The following TACC1 variants were observed in gnomAD, a reference collection of about 807,000 sequenced individuals.
TACC1 encodes the protein transforming acidic coiled-coil containing protein 1.
In TACC1, 48 loss-of-function variants were observed where a neutral mutation model predicts 84.4. The ratio of observed to expected loss-of-function variants is 0.57; its 90% confidence interval spans 0.45 to 0.72. TACC1 has a LOEUF of 0.72. Among genes scored for constraint, TACC1 ranks in the 30% least tolerant of loss-of-function variants. The pLI is 0.00. For synonymous variants in TACC1, 372 were observed against 376.3 expected (o/e 0.99, Z 0.13); for missense variants, 920 against 973.0 (o/e 0.95, Z 0.72).
At position 38,787,760 on chromosome 8, in the gene TACC1, C is replaced by G; in HGVS notation, c.161+17C>G. 2 of 1,507,620 alleles carry G rather than the reference C, an allele frequency of 1.3e-6. No homozygotes were observed. The highest frequency in any genetic ancestry group is 8.8e-7 in the Non-Finnish European group (1 of 1,136,670). 93.4% of individuals were successfully genotyped at this position (1,507,620 alleles called of 1,614,324 possible). A position where few individuals can be genotyped will look rare whatever the true frequency, so the allele number is the denominator to read the frequency against. ...GAGTTTCAGGCAAGTACACGGCGTCCCCGCTGAGATGCAGACGCGCTTGCC... is the reference window on the plus strand; with the variant it reads ...GAGTTTCAGGCAAGTACACGGCGTCGCCGCTGAGATGCAGACGCGCTTGCC... On this transcript the variant is annotated intron_variant, in intron 1 of 12. Coordinates refer to ENST00000317827, the MANE Select transcript of TACC1 (RefSeq NM_006283.3).
rs371936366 is a variant in TACC1 at position 38,816,271 on chromosome 8, A to G, written c.278-3251A>G. Reference sequence around the variant, plus strand: ...AGTTTAAATCTTTTTGGTAGAAAATACAAAACTAAGATATTTAGAAGTATC... The same window carrying G: ...AGTTTAAATCTTTTTGGTAGAAAATGCAAAACTAAGATATTTAGAAGTATC... On this transcript the variant is annotated intron_variant, in intron 2 of 12. Transcript: ENST00000317827. Among the ~76,000 whole-genome samples the G allele has an allele frequency of 9.6e-4, 146 of 152,328 alleles. No individual in the cohort carries two copies. The Middle Eastern group carries it at 0.01, about 11-fold the overall frequency.
intron 3 of TACC1, among the ~76,000 whole-genome samples, chr8:38,821,426 T>C (rs1320025633): frequency 6.6e-6 from 1 of 152,208 alleles, no homozygotes; most frequent in Non-Finnish European, 1.5e-5. Context: ...AAGAAGACTT[T>C]TTACATAAAC....
At chr8:38,757,323 G>C (rs1587323610) in intron 3 of TACC1, 1 of 1,267,518 alleles carries the variant, frequency 7.9e-7, no homozygotes, top group African/African-American at 1.6e-5. Context: ...CCGGCCCCAA[G>C]TTCTGCGCCA....
chr8:38,815,134 C>A (rs548521019), intron 2 of TACC1, among the ~76,000 whole-genome samples: 2 of 152,260 alleles, frequency 1.3e-5, no homozygotes, highest in African/African-American at 4.8e-5. Flanking sequence ...TCCTGCTGGG[C>A]GCACCAGGAT....
rs759126531 is a variant in TACC1 at position 38,820,446 on chromosome 8, C to T, written c.1202C>T (p.Ser401Phe). Residue 401 changes from serine to phenylalanine, a missense_variant, in exon 3 of 13, where the codon TCT becomes TTT. Transcript: ENST00000317827. ...SPSFNPFGSH[S>F]VLQNSPPLSS... ...AGCTTCAACCCCTTTGGGAGCCACTCTGTTCTGCAGAACTCCCCACCCCTC... is the reference window on the plus strand; with the variant it reads ...AGCTTCAACCCCTTTGGGAGCCACTTTGTTCTGCAGAACTCCCCACCCCTC... 1 of 1,614,218 alleles carries T rather than the reference C, an allele frequency of 6.2e-7. No homozygotes were observed. The highest frequency in any genetic ancestry group is 1.3e-5 in the African/African-American group (1 of 75,078).
intron 3 of TACC1, among the ~76,000 whole-genome samples, chr8:38,774,493 A>AT (rs1814391343): frequency 6.6e-6 from 1 of 152,154 alleles, no homozygotes; most frequent in Non-Finnish European, 1.5e-5. Flanking sequence ...TTAAAAATAC[A>AT]TTTTTTATTA....
intron 2 of TACC1, among the ~76,000 whole-genome samples, chr8:38,812,741 C>T (rs930716632): frequency 6.6e-6 from 1 of 152,220 alleles, no homozygotes. Flanking sequence ...AGCATGGTGC[C>T]TTTCTATTTC....
intron 1 of TACC1, among the ~76,000 whole-genome samples, chr8:38,736,010 C>T (rs1003062886): frequency 6.6e-5 from 10 of 152,140 alleles, no homozygotes; most frequent in Middle Eastern, 3.2e-3. Flanking sequence ...GTCTACCGGC[C>T]GGTACTCCCT....
At chr8:38,788,052 G>A in intron 1 of TACC1, 1 of 407,316 alleles carries the variant, frequency 2.5e-6, no homozygotes, top group Non-Finnish European at 4.4e-6. Context: ...CTCCACACTG[G>A]AGCAACGTCA....
chr8:38,767,229 A>G (rs1812418734), intron 3 of TACC1, among the ~76,000 whole-genome samples: 1 of 152,226 alleles, frequency 6.6e-6, no homozygotes, highest in Non-Finnish European at 1.5e-5. Flanking sequence ...AGGTAGGAAG[A>G]TGACTGACGT....
intron 2 of TACC1, among the ~76,000 whole-genome samples, chr8:38,807,209 C>T (rs916694564): frequency 1.3e-5 from 2 of 152,178 alleles, no homozygotes; most frequent in Non-Finnish European, 2.9e-5. Flanking sequence ...CTTCAGCCCC[C>T]TTCCCTTCCC....
intron 6 of TACC1, 151 bp downstream of exon 6, chr8:38,831,328 C>A: frequency 1.3e-6 from 1 of 779,062 alleles, no homozygotes; most frequent in South Asian, 1.7e-5. Flanking sequence ...AACACATAGT[C>A]TCTGCATTGT....
intron 3 of TACC1, among the ~76,000 whole-genome samples, chr8:38,755,729 A>G (rs1809882858): frequency 7.5e-6 from 1 of 132,756 alleles, no homozygotes; most frequent in Non-Finnish European, 1.6e-5. Flanking sequence ...CAACAACAAC[A>G]ACAACAACAA....
At chr8:38,768,113 AAG>A (rs1812622459) in intron 3 of TACC1, among the ~76,000 whole-genome samples, 1 of 134,876 alleles carries the variant, frequency 7.4e-6, no homozygotes, top group Non-Finnish European at 1.6e-5. Flanking sequence ...GGAAGGAAGG[AAG>A]GAAGGTAGGG....
intron 2 of TACC1, among the ~76,000 whole-genome samples, chr8:38,804,575 A>T (rs1424049668): frequency 6.6e-6 from 1 of 152,168 alleles, no homozygotes; most frequent in Non-Finnish European, 1.5e-5. Flanking sequence ...TGCTGGGATT[A>T]CAGGCGTGAG....
At chr8:38,805,321 T>C (rs1822415779) in intron 2 of TACC1, 1 of 152,282 alleles carries the variant, frequency 6.6e-6, no homozygotes, top group African/African-American at 2.4e-5. Context: ...AGCATCATTT[T>C]TTCTAGAGCT....
chr8:38,831,809 CT>C (rs34500240), intron 6 of TACC1, among the ~76,000 whole-genome samples: 18,982 of 142,182 alleles, frequency 0.13, 1,401 homozygotes, highest in South Asian at 0.29. Context: ...TTACTCAGTT[CT>C]TTTTTTTTTT....
At chr8:38,752,384 T>C (rs1041818683) in intron 3 of TACC1, among the ~76,000 whole-genome samples, 1 of 151,944 alleles carries the variant, frequency 6.6e-6, no homozygotes, top group African/African-American at 2.4e-5. Context: ...GGGAGGAGAA[T>C]TGCTTGAACC....
chr8:38,774,784 G>A (rs1226406122), intron 3 of TACC1, among the ~76,000 whole-genome samples: 7 of 152,044 alleles, frequency 4.6e-5, no homozygotes, highest in East Asian at 1.9e-4. Context: ...AGGCCGAGGC[G>A]GGCGGATCAC....
Sources: gnomAD v4.1 joint callset for allele counts (sites outside exome capture counted in the v4.1 genomes callset) on GRCh38, gnomAD v4.1.1 for gene constraint, MANE v1.5 for transcripts, NCBI Gene and HGNC (gene_info 2026-07-23, HGNC 2026-07-21) for gene names.